Variants in CACNB2 observed in about 807,000 individuals in gnomAD.
CACNB2 encodes the protein calcium voltage-gated channel auxiliary subunit beta 2, also known as voltage-dependent L-type calcium channel subunit beta-2.
In CACNB2, 42 loss-of-function variants were observed where a neutral mutation model predicts 73.3. That is an observed-to-expected ratio of 0.57 (90% confidence interval 0.45 to 0.74). CACNB2 has a LOEUF of 0.74. Among genes scored for constraint, CACNB2 ranks in the 30% least tolerant of loss-of-function variants. The pLI is 0.00. For synonymous variants in CACNB2, 348 were observed against 310.3 expected, an observed-to-expected ratio of 1.12 and a Z score of -1.28; for missense variants, 940 against 853.0, an observed-to-expected ratio of 1.10 and a Z score of -1.27.
chr10:18,198,038 A>C (rs1322441912), intron 2 of CACNB2, among the ~76,000 whole-genome samples: 1 of 148,112 alleles, frequency 6.8e-6, no homozygotes, highest in East Asian at 1.9e-4. Context: ...CATAATATAC[A>C]GAAAATATAC....
intron 2 of CACNB2, among the ~76,000 whole-genome samples, chr10:18,387,754 T>C (rs1306438494): frequency 6.6e-6 from 1 of 151,594 alleles, no homozygotes; most frequent in Non-Finnish European, 1.5e-5. Context: ...AGCCATTTCT[T>C]TCTCTCTTTT....
chr10:18,387,851 G>T (rs2043300600), intron 2 of CACNB2, among the ~76,000 whole-genome samples: 1 of 151,818 alleles, frequency 6.6e-6, no homozygotes, highest in Non-Finnish European at 1.5e-5. Flanking sequence ...TCACCTCCCA[G>T]ACTCAAGTGA....
intron 6 of CACNB2, among the ~76,000 whole-genome samples, chr10:18,510,487 G>A (rs1276743620): frequency 1.3e-5 from 2 of 152,110 alleles, no homozygotes; most frequent in Non-Finnish European, 2.9e-5. Context: ...ATTGTTAGTA[G>A]AGACAGGATT....
intron 1 of CACNB2, among the ~76,000 whole-genome samples, chr10:18,143,521 C>A (rs2030649902): frequency 6.6e-6 from 1 of 152,212 alleles, no homozygotes; most frequent in African/African-American, 2.4e-5. Context: ...CATTCATCTC[C>A]TTGCTTTCTC....
intron 2 of CACNB2, among the ~76,000 whole-genome samples, chr10:18,391,692 C>G (rs1175430601): frequency 1.3e-5 from 2 of 151,918 alleles, no homozygotes; most frequent in Admixed American, 6.6e-5. Flanking sequence ...TTTGGGAGGC[C>G]GAGGCACATG....
chr10:18,200,180 A>C (rs556745803), intron 2 of CACNB2, among the ~76,000 whole-genome samples: 1 of 152,284 alleles, frequency 6.6e-6, no homozygotes, highest in South Asian at 2.1e-4. Context: ...ACGTGACAAC[A>C]ATTGAAAAGC....
chr10:18,527,738 C>G lies in CACNB2; in HGVS notation c.1054+41C>G, dbSNP rs369319957. Reference sequence around the variant, plus strand: ...GAGCTTAAGCTTTTTAAACTCTCCTCTCCCGATGTTGATGATGAGAAGACC... The same window carrying G: ...GAGCTTAAGCTTTTTAAACTCTCCTGTCCCGATGTTGATGATGAGAAGACC... On this transcript the variant is annotated intron_variant, in intron 10 of 13. Coordinates refer to ENST00000324631, the MANE Select transcript of CACNB2 (RefSeq NM_201596.3). 8 of 1,235,282 alleles carry G rather than the reference C, an allele frequency of 6.5e-6. No homozygotes were observed. In the African/African-American group the frequency reaches 1.2e-4, roughly 18 times the overall value. The allele number at this position is 1,235,282 out of a possible 1,614,324, so 76.5% of individuals were successfully genotyped here.
intron 2 of CACNB2, among the ~76,000 whole-genome samples, chr10:18,318,884 T>C (rs972854258): frequency 6.6e-6 from 1 of 151,874 alleles, no homozygotes; most frequent in African/African-American, 2.4e-5. Flanking sequence ...CAAATGCAAA[T>C]CAAAACAATG....
chr10:18,303,725 C>T lies in CACNB2; in HGVS notation c.214-98199C>T, dbSNP rs755064615. Among the ~76,000 whole-genome samples, 7 of 152,242 alleles carry T rather than the reference C, an allele frequency of 4.6e-5. No homozygotes were observed. In the East Asian group the frequency reaches 5.8e-4, roughly 13 times the overall value. Reference sequence around the variant, plus strand: ...GCAACACCTGTTAAGGCAGGCTGTCCTTGGGGGTGCGTGTCCAGCGCTGCC... The same window carrying T: ...GCAACACCTGTTAAGGCAGGCTGTCTTTGGGGGTGCGTGTCCAGCGCTGCC... On this transcript the variant is annotated intron_variant, in intron 2 of 13. Transcript: ENST00000324631.
chr10:18,492,361 C>T (rs1043083878), intron 3 of CACNB2, among the ~76,000 whole-genome samples: 3 of 152,150 alleles, frequency 2.0e-5, no homozygotes, highest in Admixed American at 6.5e-5. Context: ...TGGCTCACAC[C>T]TGTAATCCCA....
intron 2 of CACNB2, among the ~76,000 whole-genome samples, chr10:18,287,441 G>C (rs2038851589): frequency 6.6e-6 from 1 of 152,246 alleles, no homozygotes; most frequent in Non-Finnish European, 1.5e-5. Context: ...AAAAGGAGAA[G>C]GGAGTGTTAG....
rs147663106 is a variant in CACNB2, at chr10:18,210,646, A to G, written c.213+59671A>G. Among the ~76,000 whole-genome samples the G allele has an allele frequency of 5.8e-3, 883 of 152,286 alleles. 6 individuals carry two copies. The highest frequency in any genetic ancestry group is 0.02 in the African/African-American group (835 of 41,568). Reference sequence around the variant, plus strand: ...TCCTTATCTGAAAATTGGTTACAATAAAGGACTCTACCTCCTAGATTTATT... The same window carrying G: ...TCCTTATCTGAAAATTGGTTACAATGAAGGACTCTACCTCCTAGATTTATT... On this transcript the variant is annotated intron_variant, in intron 2 of 13. Transcript: ENST00000324631.
At chr10:18,192,379 C>T (rs557474417) in intron 2 of CACNB2, among the ~76,000 whole-genome samples, 1 of 151,856 alleles carries the variant, frequency 6.6e-6, no homozygotes, top group South Asian at 2.1e-4. Flanking sequence ...ACAGGGTCTC[C>T]CTTTGTCACC....
intron 2 of CACNB2, among the ~76,000 whole-genome samples, chr10:18,298,953 G>T (rs2039389431): frequency 1.3e-5 from 2 of 151,716 alleles, no homozygotes; most frequent in South Asian, 2.1e-4. Context: ...ACTGTGAGAG[G>T]CTTCAAATCA....
intron 1 of CACNB2, 181 bp downstream of exon 1, chr10:18,141,037 GC>G: frequency 1.3e-6 from 2 of 1,543,294 alleles, no homozygotes; most frequent in Non-Finnish European, 1.7e-6. Context: ...CCTTTTCCTG[GC>G]TCTGCCTCGG....
At chr10:18,214,776 A>G (rs184111858) in intron 2 of CACNB2, among the ~76,000 whole-genome samples, 2 of 152,174 alleles carry the variant, frequency 1.3e-5, no homozygotes, top group Admixed American at 1.3e-4. Flanking sequence ...CCGTTGATGT[A>G]ATAGGACACA....
chr10:18,450,070 G>C (rs1213086395), intron 3 of CACNB2, among the ~76,000 whole-genome samples: 1 of 152,218 alleles, frequency 6.6e-6, no homozygotes, highest in Non-Finnish European at 1.5e-5. Context: ...TGTTTCCTCT[G>C]TATATCCCTT....
chr10:18,238,172 C>T (rs554783611), intron 2 of CACNB2, among the ~76,000 whole-genome samples: 2 of 152,270 alleles, frequency 1.3e-5, no homozygotes, highest in East Asian at 3.9e-4. Flanking sequence ...CCATGTCCAC[C>T]CCAGACATAA....
chr10:18,427,106 CCA>C lies in CACNB2; in HGVS notation c.333+25065_333+25066del, dbSNP rs1175962604. ...TAGTAGCTGGGATTACAGGCATGCG[CCA>C]CCACGCCCGGCTAATTTTGTATTTT... On this transcript the variant is annotated intron_variant, in intron 3 of 13. Coordinates refer to ENST00000324631, the MANE Select transcript of CACNB2 (RefSeq NM_201596.3). Among the ~76,000 whole-genome samples, 4 of 152,076 alleles carry C rather than the reference CCA, an allele frequency of 2.6e-5. No homozygotes were observed. In the East Asian group the frequency reaches 7.8e-4, roughly 29 times the overall value.
Sources: allele counts gnomAD v4.1 joint callset (sites outside exome capture counted in the v4.1 genomes callset), GRCh38; gene constraint gnomAD v4.1.1; transcripts MANE v1.5; gene names NCBI Gene and HGNC (gene_info 2026-07-23, HGNC 2026-07-21).